The following PRKAR1A variants were observed in gnomAD, a reference collection of about 807,000 sequenced individuals.
PRKAR1A encodes the protein protein kinase cAMP-dependent type I regulatory subunit alpha.
Under a neutral mutation model 52.0 loss-of-function variants are expected in PRKAR1A, and 3 were observed. The observed-to-expected ratio is 0.06, with a 90% confidence interval of 0.03 to 0.15. The LOEUF (loss-of-function observed/expected upper bound fraction) is 0.15, where lower values mean the gene tolerates loss of function less well. Among genes scored for constraint, PRKAR1A ranks in the 10% least tolerant of loss-of-function variants. The pLI, the probability that PRKAR1A is intolerant of heterozygous loss-of-function variation, is 1.00. For missense variants in PRKAR1A, 240 were observed against 477.4 expected, an observed-to-expected ratio of 0.50 and a Z score of 4.63; for synonymous variants, 188 against 168.4, an observed-to-expected ratio of 1.12 and a Z score of -0.90.
chr17:68,503,597 A>G, the PRKAR1A span, among the ~76,000 whole-genome samples: 3 of 152,244 alleles, frequency 2.0e-5, no homozygotes, highest in South Asian at 6.2e-4. Flanking sequence ...AAAAGGCTAC[A>G]TAGTGTATGC....
chr17:68,530,096 T>C, intron 10 of PRKAR1A, 95 bp downstream of exon 10: 2 of 1,512,326 alleles, frequency 1.3e-6, no homozygotes. Context: ...TTCTCCTGAA[T>C]TTTATTTTCT....
downstream of PRKAR1A, chr17:68,537,040 G>C (rs1199444669): frequency 2.2e-5 from 10 of 456,004 alleles, no homozygotes; most frequent in South Asian, 1.6e-4. This position sits in a 1 kb window ranked among gnomAD's most constrained non-coding sequence, Gnocchi z 4.2. Flanking sequence ...TTTTTAGTCA[G>C]CTTGTGATAG....
the PRKAR1A span, among the ~76,000 whole-genome samples, chr17:68,455,190 C>T: frequency 3.3e-5 from 5 of 151,994 alleles, no homozygotes; most frequent in East Asian, 1.9e-4. Context: ...GGCAAAACCC[C>T]GTCTCTACTA....
downstream of PRKAR1A, chr17:68,537,578 C>T: frequency 6.2e-7 from 1 of 1,613,422 alleles, no homozygotes. This position sits in a 1 kb window ranked among gnomAD's most constrained non-coding sequence, Gnocchi z 4.2. Flanking sequence ...CACCCCTCCA[C>T]TGTCCTTAGG....
At chr17:68,534,152 A>G (rs796562874), downstream of PRKAR1A, among the ~76,000 whole-genome samples, 6 of 152,332 alleles carry the variant, frequency 3.9e-5, no homozygotes, top group African/African-American at 1.4e-4. Context: ...TACCGCTAAC[A>G]TTTGTTTCTT....
the PRKAR1A span, among the ~76,000 whole-genome samples, chr17:68,488,734 C>CAAAAA: frequency 1.1e-3 from 45 of 42,608 alleles, no homozygotes; most frequent in Non-Finnish European, 1.4e-3. Flanking sequence ...CATCTCAAAA[C>CAAAAA]AAAAAAAAAA....
At chr17:68,518,249 C>T (rs375959571) in intron 2 of PRKAR1A, among the ~76,000 whole-genome samples, 52 of 152,326 alleles carry the variant, frequency 3.4e-4, no homozygotes, top group African/African-American at 1.2e-3. Context: ...CTCGTAGTTC[C>T]ATTAGGCAGT....
chr17:68,516,045 A>T (rs879399667), intron 2 of PRKAR1A, among the ~76,000 whole-genome samples: 5 of 152,348 alleles, frequency 3.3e-5, no homozygotes, highest in African/African-American at 7.2e-5. Flanking sequence ...GAAATTTTCA[A>T]TTAGATTCGG....
rs1459006403 is a variant in PRKAR1A, at chr17:68,525,924, T to C, written c.708+12T>C. The C allele has an allele frequency of 1.9e-6, 3 of 1,613,514 alleles. No homozygotes were observed. Among genetic ancestry groups the C allele is most frequent in the Non-Finnish European group, 2.5e-6 (3 of 1,179,612 alleles). ...GAAGAATCCTCATGGTAAGAGACCA[T>C]GGTGTTTGAGAGTGTGATTTAGAAT... is the stretch of plus-strand genomic sequence containing the variant. On this transcript the variant is annotated intron_variant, in intron 7 of 10. Transcript: ENST00000589228.
chr17:68,527,266 A>G (rs547672972), intron 7 of PRKAR1A, among the ~76,000 whole-genome samples: 19 of 152,290 alleles, frequency 1.2e-4, no homozygotes, highest in South Asian at 1.0e-3. Flanking sequence ...AGGGGAGGAT[A>G]TGGTCCTTTT....
intron 11 of PRKAR1A, among the ~76,000 whole-genome samples, chr17:68,546,301 TTACCTTC>T (rs2086563327): frequency 6.6e-6 from 1 of 151,864 alleles, no homozygotes; most frequent in Non-Finnish European, 1.5e-5. Flanking sequence ...ACATCTGCAG[TTACCTTC>T]TCCACTGAAG....
Position 68,532,714 on chromosome 17 carries a change from A to G in PRKAR1A, c.*2265A>G, listed in dbSNP as rs2143410073. On this transcript the variant is annotated 3_prime_UTR_variant, in exon 11 of 11. Transcript: ENST00000589228. ...TGCTAATATACTTTTTTTGTTATAG[A>G]TTGTCTTAATGGTAGGTCAAGTAAT... 1 of 1,066,228 alleles carries G rather than the reference A, an allele frequency of 9.4e-7. No individual in the cohort carries two copies. The highest frequency in any genetic ancestry group is 1.6e-5 in the African/African-American group (1 of 61,208). The allele number at this position is 1,066,228 out of a possible 1,614,324, so 66.0% of individuals were successfully genotyped here.
the PRKAR1A span, among the ~76,000 whole-genome samples, chr17:68,481,870 G>A: frequency 2.0e-5 from 3 of 152,232 alleles, no homozygotes; most frequent in East Asian, 1.9e-4. Context: ...AACTTAAACC[G>A]AGATTTGTTG....
chr17:68,484,297 A>C, the PRKAR1A span, among the ~76,000 whole-genome samples: 1 of 152,228 alleles, frequency 6.6e-6, no homozygotes, highest in Non-Finnish European at 1.5e-5. Flanking sequence ...CTGCTCTTGC[A>C]CATCGGTCAG....
At chr17:68,539,118 ATAT>A (rs994773775) in intron 11 of PRKAR1A, among the ~76,000 whole-genome samples, 1 of 152,226 alleles carries the variant, frequency 6.6e-6, no homozygotes, top group South Asian at 2.1e-4. Flanking sequence ...TAAAAATACC[ATAT>A]TATTAATCTT....
the PRKAR1A span, among the ~76,000 whole-genome samples, chr17:68,485,963 T>A: frequency 6.6e-6 from 1 of 152,120 alleles, no homozygotes; most frequent in Non-Finnish European, 1.5e-5. Context: ...GGTCTCCAAG[T>A]CCTGACCTCA....
chr17:68,453,479 CTTTT>C, the PRKAR1A span, among the ~76,000 whole-genome samples: 3 of 136,170 alleles, frequency 2.2e-5, no homozygotes, highest in Admixed American at 7.4e-5. Context: ...TTTTCTTTTC[CTTTT>C]TTTTTTTTTT....
At chr17:68,479,682 A>T in the PRKAR1A span, among the ~76,000 whole-genome samples, 1 of 152,142 alleles carries the variant, frequency 6.6e-6, no homozygotes, top group East Asian at 1.9e-4. Context: ...TTCTGCATTT[A>T]ACATCCTGTT....
At chr17:68,428,067 T>G in the PRKAR1A span, among the ~76,000 whole-genome samples, 2 of 152,006 alleles carry the variant, frequency 1.3e-5, no homozygotes, top group South Asian at 4.2e-4. Flanking sequence ...AATTTTTATA[T>G]TTTTTCTTTT....
Sources: allele counts gnomAD v4.1 joint callset (sites outside exome capture counted in the v4.1 genomes callset), GRCh38; gene constraint gnomAD v4.1.1; non-coding constraint Gnocchi (gnomAD v3.1); transcripts MANE v1.5; gene names NCBI Gene and HGNC (gene_info 2026-07-23, HGNC 2026-07-21).